Variants in IQCF1 observed in about 807,000 individuals in gnomAD.
IQCF1 encodes IQ motif containing F1.
Under a neutral mutation model 12.5 loss-of-function variants are expected in IQCF1, and 9 were observed. The observed-to-expected ratio is 0.72, with a 90% CI of 0.43 to 1.26. The LOEUF (loss-of-function observed/expected upper bound fraction) is 1.26, where lower values mean the gene tolerates loss of function less well. Among genes scored for constraint, IQCF1 ranks in the 50% most tolerant of loss-of-function variants. The pLI is 0.00. For synonymous variants in IQCF1, 67 were observed against 96.2 expected (o/e 0.70, Z 1.78); for missense variants, 252 against 257.4 (o/e 0.98, Z 0.14).
rs889324868 is a variant in IQCF1, at chr3:51,903,197, CA to C, written c.3+72del. 2.5e-6 allele frequency: 4 copies of C among 1,598,908 alleles called. No homozygotes were observed. The African/African-American group carries it at 4.0e-5, about 16-fold the overall frequency. ...CAGGGCTTCTTAGAGTCTTCAGTGT[CA>C]GGGGGTCCCTTCACCCTGAGAGATC... On this transcript the variant is annotated intron_variant, in intron 1 of 3. Coordinates refer to ENST00000310914, the MANE Select transcript of IQCF1 (RefSeq NM_152397.3).
intron 2 of IQCF1, among the ~76,000 whole-genome samples, chr3:51,902,148 G>A (rs921581952): frequency 6.6e-6 from 1 of 152,192 alleles, no homozygotes; most frequent in Non-Finnish European, 1.5e-5. Context: ...TTCCCTGGCA[G>A]CCGCAATGGG....
chr3:51,898,250 G>A (rs1699034915), intron 2 of IQCF1, among the ~76,000 whole-genome samples: 1 of 28,764 alleles, frequency 3.5e-5, no homozygotes, highest in African/African-American at 1.6e-4. Flanking sequence ...AAGACAAAGA[G>A]GGAGTCAGAG....
At position 51,895,309 on chromosome 3, in the gene IQCF1, C is replaced by T. The variant is rs777461753; in HGVS notation, c.199G>A (p.Asp67Asn). ...KPPENQKKLS[D>N]KDTVATKIQA... ...ATCTTGGTGGCTACCGTATCTTTGTCAGAGAGCTTCTTTTGGTTTTCTGGG... is the reference window on the plus strand; with the variant it reads ...ATCTTGGTGGCTACCGTATCTTTGTTAGAGAGCTTCTTTTGGTTTTCTGGG... Residue 67 changes from aspartate to asparagine, a missense_variant, in exon 4 of 4, where the codon GAC becomes AAC. Transcript: ENST00000310914. This position sits in a 1 kb window ranked among gnomAD's most constrained non-coding sequence, Gnocchi z 4.8. 1 of 1,608,098 alleles carries T rather than the reference C, an allele frequency of 6.2e-7. No homozygotes were observed. Among genetic ancestry groups the T allele is most frequent in the Non-Finnish European group, 8.5e-7 (1 of 1,177,806 alleles).
chr3:51,902,627 C>T (rs1699089889), intron 2 of IQCF1, among the ~76,000 whole-genome samples: 1 of 152,132 alleles, frequency 6.6e-6, no homozygotes, highest in Admixed American at 6.6e-5. Context: ...AACCATTTTT[C>T]CCACCAAACC....
At chr3:51,901,872 G>T (rs1699078955) in intron 2 of IQCF1, among the ~76,000 whole-genome samples, 1 of 152,238 alleles carries the variant, frequency 6.6e-6, no homozygotes, top group Non-Finnish European at 1.5e-5. Flanking sequence ...GCAATTAGGG[G>T]CTACTAGCCG....
Position 51,895,117 on chromosome 3 carries a change from G to A in IQCF1, c.391C>T (p.Leu131=). 6.2e-7 allele frequency: 1 copy of A among 1,614,250 alleles called. No individual in the cohort carries two copies. Among genetic ancestry groups the A allele is most frequent in the Non-Finnish European group, 8.5e-7 (1 of 1,180,044 alleles). Residue 131 remains leucine, a synonymous_variant, in exon 4 of 4, where the codon CTG becomes TTG. Transcript: ENST00000310914. This position sits in a 1 kb window ranked among gnomAD's most constrained non-coding sequence, Gnocchi z 4.8. ...FSRKEWAAVT[L]QSQARMWRIR... ...CGCCACATGCGGGCCTGGGACTGCA[G>A]TGTGACTGCTGCCCACTCCTTCCGG...
rs1339424599 is a variant in IQCF1 at position 51,900,696 on chromosome 3, T to C, written c.108+2289A>G. Among the ~76,000 whole-genome samples, 1 of 152,228 alleles carries C rather than the reference T, an allele frequency of 6.6e-6. No individual in the cohort carries two copies. The highest frequency in any genetic ancestry group is 1.5e-5 in the Non-Finnish European group (1 of 68,044). On this transcript the variant is annotated intron_variant, in intron 2 of 3. Coordinates refer to ENST00000310914, the MANE Select transcript of IQCF1 (RefSeq NM_152397.3). This position sits in a 1 kb window ranked among gnomAD's most constrained non-coding sequence, Gnocchi z 4.2. ...GGACCACTAAAGAGCAAGGATGGAC[T>C]GCCCCAACCGGTTTTTGTAATTTCC...
rs776406488 is a variant in IQCF1 at position 51,895,147 on chromosome 3, A to G, written c.361T>C (p.Phe121Leu). ...KKRRQAALEA[F>L]SRKEWAAVTL... Reference sequence around the variant, plus strand: ...ACTGCTGCCCACTCCTTCCGGGAGAAGGCCTCTAGCGCTGCCTGCCGCCTC... The same window carrying G: ...ACTGCTGCCCACTCCTTCCGGGAGAGGGCCTCTAGCGCTGCCTGCCGCCTC... The change falls in exon 4 of 4, where the codon TTC becomes CTC. Residue 121 changes from phenylalanine to leucine, a missense_variant. By Grantham distance (22) the Phe-to-Leu change is conservative. Coordinates refer to ENST00000310914, the MANE Select transcript of IQCF1 (RefSeq NM_152397.3). The surrounding 1 kb of genome is among the most constrained non-coding windows in gnomAD (Gnocchi z 4.8). 1 of 1,614,218 alleles carries G rather than the reference A, an allele frequency of 6.2e-7. No homozygotes were observed. The highest frequency in any genetic ancestry group is 1.1e-5 in the South Asian group (1 of 91,086).
intron 2 of IQCF1, among the ~76,000 whole-genome samples, chr3:51,902,597 C>T (rs1279686683): frequency 6.6e-6 from 1 of 152,200 alleles, no homozygotes; most frequent in Non-Finnish European, 1.5e-5. Context: ...CTGACTCATT[C>T]CGATTTCCTG....
intron 2 of IQCF1, among the ~76,000 whole-genome samples, chr3:51,901,707 G>C (rs1699077705): frequency 6.6e-6 from 1 of 152,228 alleles, no homozygotes; most frequent in Non-Finnish European, 1.5e-5. Flanking sequence ...GGGAATACCA[G>C]ATCAATTTAA....
At chr3:51,896,967 GAT>G in intron 2 of IQCF1, 73 bp from the exon 3 acceptor site, 2 of 1,147,378 alleles carry the variant, frequency 1.7e-6, no homozygotes, top group South Asian at 2.5e-5. Context: ...AGCACTGTTA[GAT>G]ATGAGTTCTA....
At chr3:51,902,906 T>C in intron 2 of IQCF1, 79 bp downstream of exon 2, 2 of 1,094,174 alleles carry the variant, frequency 1.8e-6, no homozygotes, top group South Asian at 2.5e-5. Flanking sequence ...ACTTCACTTA[T>C]AACAGCACCA....
intron 2 of IQCF1, among the ~76,000 whole-genome samples, chr3:51,898,548 T>C (rs1170675826): frequency 6.6e-6 from 1 of 151,122 alleles, no homozygotes; most frequent in South Asian, 2.1e-4. Context: ...CAGAAGAAAG[T>C]AGAAAAATAA....
intron 2 of IQCF1, among the ~76,000 whole-genome samples, chr3:51,898,162 A>G (rs1394590192): frequency 1.3e-5 from 2 of 152,194 alleles, no homozygotes; most frequent in Non-Finnish European, 2.9e-5. Flanking sequence ...AGGCAGGGAA[A>G]GACCAGCAAA....
At position 51,900,257 on chromosome 3, in the gene IQCF1, C is replaced by A. The variant is rs1306255145; in HGVS notation, c.108+2728G>T. 6.6e-6 allele frequency among the ~76,000 whole-genome samples: 1 copy of A among 152,144 alleles called. No homozygotes were observed. Among genetic ancestry groups the A allele is most frequent in the East Asian group, 1.9e-4 (1 of 5,194 alleles). On this transcript the variant is annotated intron_variant, in intron 2 of 3. Transcript: ENST00000310914. This position sits in a 1 kb window ranked among gnomAD's most constrained non-coding sequence, Gnocchi z 4.2. ...GTACAGCGGAAAGGGGATGGACTCACCACACCTGAGTCAAGAAAGCGCCAC... is the reference window on the plus strand; with the variant it reads ...GTACAGCGGAAAGGGGATGGACTCAACACACCTGAGTCAAGAAAGCGCCAC...
At position 51,895,414 on chromosome 3, in the gene IQCF1, G is replaced by A; in HGVS notation, c.172-78C>T. The stretch of plus-strand genomic sequence containing the variant: ...TCTGGGGTGTGCCAGGAAAGGCCCT[G>A]ATTCCCTATCAGCAACTGTCTCTTT... On this transcript the variant is annotated intron_variant, in intron 3 of 3. Transcript: ENST00000310914. This position sits in a 1 kb window ranked among gnomAD's most constrained non-coding sequence, Gnocchi z 4.8. 1 of 1,266,764 alleles carries A rather than the reference G, an allele frequency of 7.9e-7. No individual in the cohort carries two copies. The highest frequency in any genetic ancestry group is 2.4e-5 in the Admixed American group (1 of 42,098). The allele number at this position is 1,266,764 out of a possible 1,614,324, so 78.5% of individuals were successfully genotyped here.
rs1451005974 is a variant in IQCF1, at chr3:51,895,145, G to A, written c.363C>T (p.Phe121=). The change falls in exon 4 of 4, where the codon TTC becomes TTT. Residue 121 remains phenylalanine (F), a synonymous_variant. Coordinates refer to ENST00000310914, the MANE Select transcript of IQCF1 (RefSeq NM_152397.3). This position sits in a 1 kb window ranked among gnomAD's most constrained non-coding sequence, Gnocchi z 4.8. The part of the protein sequence containing the change: ...KKRRQAALEA[F]SRKEWAAVTL... ...TGACTGCTGCCCACTCCTTCCGGGAGAAGGCCTCTAGCGCTGCCTGCCGCC... is the reference window on the plus strand; with the variant it reads ...TGACTGCTGCCCACTCCTTCCGGGAAAAGGCCTCTAGCGCTGCCTGCCGCC... The A allele has an allele frequency of 6.2e-7, 1 of 1,614,244 alleles. No homozygotes were observed. Among genetic ancestry groups the A allele is most frequent in the African/African-American group, 1.3e-5 (1 of 75,070 alleles).
intron 2 of IQCF1, among the ~76,000 whole-genome samples, chr3:51,901,219 G>C (rs1194491893): frequency 6.6e-6 from 1 of 152,230 alleles, no homozygotes; most frequent in East Asian, 1.9e-4. Flanking sequence ...CAGTTGACTG[G>C]TTGTGGGCTG....
chr3:51,902,720 C>T, intron 2 of IQCF1: 2 of 418,038 alleles, frequency 4.8e-6, no homozygotes, highest in South Asian at 4.3e-5. Flanking sequence ...AGGGGAATGA[C>T]ACAGCAGCAG....
Sources: allele counts gnomAD v4.1 joint callset (sites outside exome capture counted in the v4.1 genomes callset), GRCh38; gene constraint gnomAD v4.1.1; non-coding constraint Gnocchi (gnomAD v3.1); transcripts MANE v1.5; gene names NCBI Gene and HGNC (gene_info 2026-07-23, HGNC 2026-07-21).